The following SLCO3A1 variants were observed in gnomAD, a reference collection of about 807,000 sequenced individuals.
SLCO3A1 encodes the protein solute carrier organic anion transporter family member 3A1.
A neutral mutation model predicts 63.1 loss-of-function variants in SLCO3A1; 27 were observed. That is an observed-to-expected ratio of 0.43 (90% CI 0.32 to 0.59). The LOEUF is 0.59. SLCO3A1 is among the 20% of genes least tolerant of loss of function. The probability of loss-of-function intolerance (pLI) is 0.09; values close to 1 mark genes in which losing one functional copy is unlikely to be tolerated. For missense variants in SLCO3A1, 773 were observed against 945.8 expected, an observed-to-expected ratio of 0.82 and a Z score of 2.40; for synonymous variants, 473 against 409.9, an observed-to-expected ratio of 1.15 and a Z score of -1.86.
intron 2 of SLCO3A1, among the ~76,000 whole-genome samples, chr15:92,022,715 A>G (rs1180681493): frequency 6.6e-6 from 1 of 152,218 alleles, no homozygotes; most frequent in Non-Finnish European, 1.5e-5. Context: ...TATAATAGGT[A>G]GTTGAGAAAG....
chr15:92,167,388 A>C (rs1389793324), downstream of SLCO3A1, among the ~76,000 whole-genome samples: 1 of 152,252 alleles, frequency 6.6e-6, no homozygotes, highest in Non-Finnish European at 1.5e-5. Context: ...AAGAGGTGCC[A>C]ACTTTTCCAA....
At chr15:91,995,733 GAAA>G (rs34688452) in intron 2 of SLCO3A1, among the ~76,000 whole-genome samples, 54 of 79,782 alleles carry the variant, frequency 6.8e-4, no homozygotes, top group African/African-American at 2.2e-3. Context: ...AGATTTTCTT[GAAA>G]AAAAAAAAAA....
At chr15:92,054,175 C>T (rs776305390) in intron 2 of SLCO3A1, among the ~76,000 whole-genome samples, 42 of 152,288 alleles carry the variant, frequency 2.8e-4, no homozygotes, top group Non-Finnish European at 5.4e-4. Flanking sequence ...GTCCCTTTGA[C>T]GTACCCCATC....
intron 1 of SLCO3A1, among the ~76,000 whole-genome samples, chr15:91,873,578 A>G (rs920650080): frequency 1.3e-5 from 2 of 151,890 alleles, no homozygotes; most frequent in South Asian, 4.2e-4. Flanking sequence ...ACATACATAC[A>G]TACTTTATTT....
chr15:92,062,076 A>G (rs758450475), intron 2 of SLCO3A1, among the ~76,000 whole-genome samples: 5 of 152,228 alleles, frequency 3.3e-5, no homozygotes, highest in Non-Finnish European at 7.3e-5. Flanking sequence ...GCCTTGTCAA[A>G]ACAGGATGAA....
In SLCO3A1 at chr15:92,152,584, G is replaced by A. The variant is rs181304785; in HGVS notation, c.1753+1570G>A. ...GAAATACCAAGGCAGAGTTATGATC[G>A]TGCTGATTTTTTCCTATCAGTGGGA... On this transcript the variant is annotated intron_variant, in intron 9 of 9. Transcript: ENST00000318445. Among the ~76,000 whole-genome samples, 51 of 152,304 alleles carry A rather than the reference G, an allele frequency of 3.3e-4. No individual in the cohort carries two copies. The South Asian group carries it at 5.8e-3, about 17-fold the overall frequency.
At chr15:91,858,060 T>C (rs919667533) in intron 1 of SLCO3A1, among the ~76,000 whole-genome samples, 1 of 152,182 alleles carries the variant, frequency 6.6e-6, no homozygotes, top group Non-Finnish European at 1.5e-5. Context: ...AGCCTGAGAA[T>C]AGTCAAGTGG....
chr15:91,911,684 T>C (rs1026532124), intron 1 of SLCO3A1, among the ~76,000 whole-genome samples: 10 of 152,274 alleles, frequency 6.6e-5, no homozygotes, highest in African/African-American at 2.2e-4. Context: ...TGGAGTGCAG[T>C]GGCGCAGTCT....
chr15:92,125,910 TC>T, intron 5 of SLCO3A1, 150 bp from the exon 6 acceptor site: 2 of 647,358 alleles, frequency 3.1e-6, no homozygotes, highest in South Asian at 1.9e-5. Flanking sequence ...ATCAGGCCCT[TC>T]CTGAAGACTC....
chr15:91,884,229 G>T (rs1245127699), intron 1 of SLCO3A1, among the ~76,000 whole-genome samples: 1 of 152,218 alleles, frequency 6.6e-6, no homozygotes, highest in African/African-American at 2.4e-5. Flanking sequence ...TGGGCATTCT[G>T]CTGGGTGCAA....
intron 2 of SLCO3A1, among the ~76,000 whole-genome samples, chr15:92,062,509 G>A (rs1196080211): frequency 3.3e-5 from 5 of 152,156 alleles, no homozygotes; most frequent in Admixed American, 6.5e-5. Context: ...GGGTTCGTGT[G>A]GTCAAGTTTG....
chr15:92,145,888 T>A (rs1245510455), intron 7 of SLCO3A1, among the ~76,000 whole-genome samples: 1 of 152,122 alleles, frequency 6.6e-6, no homozygotes, highest in Non-Finnish European at 1.5e-5. Flanking sequence ...ACTGACCCTG[T>A]TGGGTTTGGG....
chr15:92,118,106 CGAG>C (rs2047817909), intron 4 of SLCO3A1, among the ~76,000 whole-genome samples: 1 of 152,116 alleles, frequency 6.6e-6, no homozygotes, highest in South Asian at 2.1e-4. Context: ...CACTTAAAAT[CGAG>C]GAGGGTATAA....
intron 2 of SLCO3A1, among the ~76,000 whole-genome samples, chr15:92,025,386 G>T: frequency 6.6e-6 from 1 of 152,118 alleles, no homozygotes; most frequent in East Asian, 1.9e-4. Flanking sequence ...AGAAATGTAT[G>T]GGGGACACCA....
rs753986829 is a variant in SLCO3A1 at position 92,163,084 on chromosome 15, C to A, written c.2082C>A (p.Ile694=). Residue 694 remains isoleucine (I), a synonymous_variant, in exon 10 of 10, where the codon ATC becomes ATA. Coordinates refer to ENST00000318445, the MANE Select transcript of SLCO3A1 (RefSeq NM_013272.4). ...PANQTHRTKF[I]YNLEDHEWCE... is the part of the protein sequence containing the mutation. ...ACCAGACACATAGGACAAAGTTTAT[C>A]TATAACCTGGAAGACCATGAGTGGT... 16 of 1,546,372 alleles carry A rather than the reference C, an allele frequency of 1.0e-5. No individual in the cohort carries two copies. Among genetic ancestry groups the A allele is most frequent in the Non-Finnish European group, 1.3e-5 (15 of 1,148,670 alleles).
intron 1 of SLCO3A1, among the ~76,000 whole-genome samples, chr15:91,884,297 T>G (rs1897667789): frequency 6.6e-6 from 1 of 151,878 alleles, no homozygotes; most frequent in African/African-American, 2.4e-5. Flanking sequence ...TCACCTGAGA[T>G]TGGGAGTTCA....
intron 2 of SLCO3A1, among the ~76,000 whole-genome samples, chr15:91,964,823 G>A (rs1023355948): frequency 6.6e-6 from 1 of 152,004 alleles, no homozygotes; most frequent in Non-Finnish European, 1.5e-5. Flanking sequence ...TGAAGAAGTG[G>A]CAGCTCACAG....
chr15:92,019,752 T>G (rs2046484162), intron 2 of SLCO3A1, among the ~76,000 whole-genome samples: 1 of 152,202 alleles, frequency 6.6e-6, no homozygotes, highest in Admixed American at 6.5e-5. Flanking sequence ...GAGGATGAAC[T>G]CCAGCCGGTG....
At chr15:92,155,516 A>C (rs2151598051) in intron 9 of SLCO3A1, among the ~76,000 whole-genome samples, 1 of 152,310 alleles carries the variant, frequency 6.6e-6, no homozygotes, top group South Asian at 2.1e-4. Flanking sequence ...AGTAGTTGCC[A>C]GTGTGGAGCA....
Sources: allele counts gnomAD v4.1 joint callset (sites outside exome capture counted in the v4.1 genomes callset), GRCh38; gene constraint gnomAD v4.1.1; transcripts MANE v1.5; gene names NCBI Gene and HGNC (gene_info 2026-07-23, HGNC 2026-07-21).